Variants in PRUNE2 observed in about 807,000 individuals in gnomAD.
The protein encoded by PRUNE2 is protein prune homolog 2.
Under a neutral mutation model 252.0 loss-of-function variants are expected in PRUNE2, and 164 were observed. The observed-to-expected ratio is 0.65, with a 90% confidence interval of 0.57 to 0.74. The LOEUF (loss-of-function observed/expected upper bound fraction) is 0.74, where lower values mean the gene tolerates loss of function less well. Among genes scored for constraint, PRUNE2 ranks in the 30% least tolerant of loss-of-function variants. The pLI is 0.00. For synonymous variants in PRUNE2, 1,292 were observed against 1,350.2 expected, an observed-to-expected ratio of 0.96 and a Z score of 0.94; for missense variants, 3,495 against 3,711.0, an observed-to-expected ratio of 0.94 and a Z score of 1.51.
At position 76,710,717 on chromosome 9, in the gene PRUNE2, A is replaced by T; in HGVS notation, c.1557T>A (p.Asp519Glu). ...ACAGGTCACTGTTGGGGAAGAAGTC[A>T]TCTGCTGGGGAGTAGTCTGCAGAAT... ...SSHSADYSPA[D>E]DFFPNSDLSE... The change falls in exon 8 of 19, where the codon GAT becomes GAA. Residue 519 changes from aspartate to glutamate, a missense_variant. Coordinates refer to ENST00000376718, the MANE Select transcript of PRUNE2 (RefSeq NM_015225.3). 3.1e-6 allele frequency: 5 copies of T among 1,612,920 alleles called. No homozygotes were observed. The highest frequency in any genetic ancestry group is 1.1e-5 in the South Asian group (1 of 90,766).
At chr9:76,667,711 A>C (rs944906853) in intron 9 of PRUNE2, among the ~76,000 whole-genome samples, 2 of 152,200 alleles carry the variant, frequency 1.3e-5, no homozygotes, top group African/African-American at 2.4e-5. Context: ...TATATTTGCT[A>C]ATCTGCAGGA....
At chr9:76,740,107 G>A (rs1305170476) in intron 6 of PRUNE2, 1 of 151,522 alleles carries the variant, frequency 6.6e-6, no homozygotes, top group Non-Finnish European at 1.5e-5. Context: ...AGTGCTCAGT[G>A]AAAAAGAGCA....
At position 76,709,989 on chromosome 9, in the gene PRUNE2, A is replaced by T. The variant is rs759813471; in HGVS notation, c.2285T>A (p.Ile762Lys). 1.9e-6 allele frequency: 3 copies of T among 1,613,774 alleles called. No homozygotes were observed. Among genetic ancestry groups the T allele is most frequent in the Non-Finnish European group, 2.5e-6 (3 of 1,179,822 alleles). ...ATGCCACAAAGAAGCAAAGTCTTCT[A>T]TCAGGTGGTTTGTTCCTTGGGGAGA... The part of the protein sequence containing the change: ...NTSPQGTNHL[I>K]EDFASLWHSG... Residue 762 changes from isoleucine (I) to lysine (K), a missense_variant, in exon 8 of 19, where the codon ATA (isoleucine) becomes AAA (lysine). Transcript: ENST00000376718.
intron 6 of PRUNE2, among the ~76,000 whole-genome samples, chr9:76,753,991 T>C (rs1417633314): frequency 1.3e-5 from 2 of 151,616 alleles, no homozygotes; most frequent in Admixed American, 1.3e-4. Flanking sequence ...ATCTAGTGAC[T>C]AGACATGGTT....
intron 6 of PRUNE2, among the ~76,000 whole-genome samples, chr9:76,742,349 C>T (rs2049705851): frequency 1.3e-5 from 2 of 152,092 alleles, no homozygotes; most frequent in Admixed American, 1.3e-4. Context: ...CATGGTGGCT[C>T]GTGTCTGTTA....
intron 6 of PRUNE2, among the ~76,000 whole-genome samples, chr9:76,765,829 T>A (rs1468773477): frequency 1.3e-5 from 2 of 152,146 alleles, no homozygotes; most frequent in African/African-American, 4.8e-5. Flanking sequence ...GAGAGGTTAG[T>A]TTAGATAACC....
At chr9:76,735,645 T>C (rs1255771114) in intron 6 of PRUNE2, among the ~76,000 whole-genome samples, 1 of 152,226 alleles carries the variant, frequency 6.6e-6, no homozygotes, top group Non-Finnish European at 1.5e-5. Context: ...CAAAGGTTGA[T>C]ATTATCATAT....
chr9:76,777,661 A>T (rs908660646), intron 6 of PRUNE2, among the ~76,000 whole-genome samples: 2 of 152,240 alleles, frequency 1.3e-5, no homozygotes, highest in Non-Finnish European at 2.9e-5. Flanking sequence ...TGCTGGTGAA[A>T]CACAATACAT....
At chr9:76,757,781 T>C (rs990231081) in intron 6 of PRUNE2, among the ~76,000 whole-genome samples, 1 of 152,108 alleles carries the variant, frequency 6.6e-6, no homozygotes, top group Admixed American at 6.6e-5. Flanking sequence ...ATCCCATCTC[T>C]ACAAAAATTA....
chr9:76,620,140 A>ATTTT (rs59150159), intron 17 of PRUNE2, among the ~76,000 whole-genome samples: 1 of 127,138 alleles, frequency 7.9e-6, no homozygotes, highest in African/African-American at 2.9e-5. Context: ...CCCTCCCATA[A>ATTTT]TTTTTTTTTT....
chr9:76,812,266 T>C (rs1314863392), intron 6 of PRUNE2, among the ~76,000 whole-genome samples: 2 of 152,206 alleles, frequency 1.3e-5, no homozygotes, highest in Non-Finnish European at 2.9e-5. Context: ...ATGGTGGCTG[T>C]GATGTTTTGT....
intron 6 of PRUNE2, among the ~76,000 whole-genome samples, chr9:76,787,887 A>C (rs1206089565): frequency 6.6e-6 from 1 of 152,174 alleles, no homozygotes; most frequent in African/African-American, 2.4e-5. Flanking sequence ...CTCTCCTGTG[A>C]CCGCAGCTTC....
At chr9:76,615,070 G>A (rs1828779866) in intron 18 of PRUNE2, 2 of 984,124 alleles carry the variant, frequency 2.0e-6, no homozygotes, top group South Asian at 4.7e-5. Flanking sequence ...AGAAGCCAAA[G>A]GAATTGACTG....
chr9:76,757,092 A>T (rs1431002372), intron 6 of PRUNE2, among the ~76,000 whole-genome samples: 1 of 152,236 alleles, frequency 6.6e-6, no homozygotes, highest in Non-Finnish European at 1.5e-5. Context: ...TTACAGCATA[A>T]TAGTATTTTC....
chr9:76,795,609 T>G (rs1292871148), intron 6 of PRUNE2, among the ~76,000 whole-genome samples: 1 of 152,140 alleles, frequency 6.6e-6, no homozygotes, highest in East Asian at 1.9e-4. Flanking sequence ...TATGGTTTCT[T>G]GTACACGAGC....
chr9:76,795,569 A>G (rs1029090743), intron 6 of PRUNE2, among the ~76,000 whole-genome samples: 6 of 152,198 alleles, frequency 3.9e-5, no homozygotes, highest in Non-Finnish European at 7.3e-5. Flanking sequence ...ATGTTCTCCC[A>G]AAAGTGATGT....
intron 1 of PRUNE2, among the ~76,000 whole-genome samples, chr9:76,872,966 CTG>C (rs1323852092): frequency 6.6e-6 from 1 of 151,982 alleles, no homozygotes; most frequent in African/African-American, 2.4e-5. Context: ...TCTAACATGA[CTG>C]TGACATTATG....
rs138226216 is a variant in PRUNE2, at chr9:76,837,750, T to A, written c.508+8765A>T. 7.9e-4 allele frequency among the ~76,000 whole-genome samples: 119 copies of A among 150,326 alleles called. 1 individual carries two copies. Among genetic ancestry groups the A allele is most frequent in the African/African-American group, 2.8e-3 (113 of 40,706 alleles). On this transcript the variant is annotated intron_variant, in intron 4 of 18. Coordinates refer to ENST00000376718, the MANE Select transcript of PRUNE2 (RefSeq NM_015225.3). ...TTTCATTGGCTCCAGGAAGCTCGTA[T>A]CCAAAGTTTCAAACCAAATACTATT...
Position 76,681,728 on chromosome 9 carries a change from A to G in PRUNE2, c.8276+21609T>C, listed in dbSNP as rs1038751020. On this transcript the variant is annotated intron_variant, in intron 9 of 18. Coordinates refer to ENST00000376718, the MANE Select transcript of PRUNE2 (RefSeq NM_015225.3). ...AGAAAGGTGCTCTTCAACCGCTCCCACAAGGAGCTATATCCTATCAGCCTG... is the reference window on the plus strand; with the variant it reads ...AGAAAGGTGCTCTTCAACCGCTCCCGCAAGGAGCTATATCCTATCAGCCTG... 3.3e-5 allele frequency among the ~76,000 whole-genome samples: 5 copies of G among 152,304 alleles called. No homozygotes were observed. The East Asian group carries it at 9.7e-4, about 29-fold the overall frequency.
Sources: allele counts gnomAD v4.1 joint callset (sites outside exome capture counted in the v4.1 genomes callset), GRCh38; gene constraint gnomAD v4.1.1; transcripts MANE v1.5; gene names NCBI Gene and HGNC (gene_info 2026-07-23, HGNC 2026-07-21).